The following RNF145 variants were observed in gnomAD, a reference collection of about 807,000 sequenced individuals.
RNF145 encodes ring finger protein 145.
In RNF145, 12 loss-of-function variants were observed where a neutral mutation model predicts 57.3. The ratio of observed to expected loss-of-function variants is 0.21; its 90% CI spans 0.13 to 0.34. The LOEUF (loss-of-function observed/expected upper bound fraction) is 0.34, where lower values mean the gene tolerates loss of function less well. Among genes scored for constraint, RNF145 ranks in the 10% least tolerant of loss-of-function variants. The probability of loss-of-function intolerance (pLI) is 1.00; values close to 1 mark genes in which losing one functional copy is unlikely to be tolerated. For missense variants in RNF145, 429 were observed against 799.0 expected, an observed-to-expected ratio of 0.54 and a Z score of 5.58; for synonymous variants, 262 against 288.3, an observed-to-expected ratio of 0.91 and a Z score of 0.92.
chr5:159,207,396 C>T, intron 1 of RNF145: 5 of 889,444 alleles, frequency 5.6e-6, no homozygotes, highest in South Asian at 1.6e-5. Flanking sequence ...AAGAATGACA[C>T]GTGACCCAAC....
chr5:159,203,398 C>T, intron 2 of RNF145, 36 bp downstream of exon 2: 1 of 1,395,056 alleles, frequency 7.2e-7, no homozygotes, highest in Non-Finnish European at 1.0e-6. Context: ...TCAGAATGCT[C>T]ACTAGAAGAT....
Position 159,161,443 on chromosome 5 carries a change from T to G in RNF145, c.1449A>C (p.Thr483=). 1 of 1,614,220 alleles carries G rather than the reference T, an allele frequency of 6.2e-7. No individual in the cohort carries two copies. The highest frequency in any genetic ancestry group is 1.7e-4 in the Middle Eastern group (1 of 6,060). The change falls in exon 10 of 11, where the codon ACA becomes ACC. Residue 483 remains threonine (T), a synonymous_variant. Transcript: ENST00000424310. ...TGAAGATGATCATTGAGCCCATCACTGTCCATTCTCCAAAGATGGTCTCTG... is the reference window on the plus strand; with the variant it reads ...TGAAGATGATCATTGAGCCCATCACGGTCCATTCTCCAAAGATGGTCTCTG... The part of the protein sequence containing the change: ...GVSETIFGEW[T]VMGSMIIFIH...
chr5:159,194,837 G>A lies in RNF145; in HGVS notation c.185-13C>T. Reference sequence around the variant, plus strand: ...CTTAAGATATAACCTGTACCAGAAAGATAAATAAAATACAATTTTAATTTA... The same window carrying A: ...CTTAAGATATAACCTGTACCAGAAAAATAAATAAAATACAATTTTAATTTA... On this transcript the variant is annotated splice_polypyrimidine_tract_variant and intron_variant, in intron 2 of 10. Transcript: ENST00000424310. The A allele has an allele frequency of 6.6e-7, 1 of 1,510,562 alleles. No homozygotes were observed. The highest frequency in any genetic ancestry group is 1.4e-5 in the African/African-American group (1 of 71,624). The allele number at this position is 1,510,562 out of a possible 1,614,324, so 93.6% of individuals were successfully genotyped here.
At chr5:159,173,246 T>C (rs1215594339) in intron 6 of RNF145, among the ~76,000 whole-genome samples, 1 of 151,586 alleles carries the variant, frequency 6.6e-6, no homozygotes, top group Non-Finnish European at 1.5e-5. Context: ...TTTTTGCAAG[T>C]TTTTTTTTAA....
rs189974080 is a variant in RNF145 at position 159,197,533 on chromosome 5, A to G, written c.185-2709T>C. On this transcript the variant is annotated intron_variant, in intron 2 of 10. Transcript: ENST00000424310. Reference sequence around the variant, plus strand: ...GGAAAAGTAACTCTGTGATAACAAAATATTTGTGTAAGAAAACTTTGAGAG... The same window carrying G: ...GGAAAAGTAACTCTGTGATAACAAAGTATTTGTGTAAGAAAACTTTGAGAG... Among the ~76,000 whole-genome samples the G allele has an allele frequency of 3.3e-5, 5 of 152,366 alleles. No individual in the cohort carries two copies. In the East Asian group the frequency reaches 9.6e-4, roughly 29 times the overall value.
chr5:159,189,250 C>CA (rs539226089), intron 3 of RNF145, among the ~76,000 whole-genome samples: 221 of 152,046 alleles, frequency 1.5e-3, no homozygotes, highest in African/African-American at 4.9e-3. Context: ...AGAACTCCTA[C>CA]AACTTAGCAA....
At chr5:159,195,681 A>G (rs1785435225) in intron 2 of RNF145, among the ~76,000 whole-genome samples, 1 of 152,202 alleles carries the variant, frequency 6.6e-6, no homozygotes, top group African/African-American at 2.4e-5. Context: ...AAACACTGGA[A>G]ATTTGGTTCC....
At chr5:159,200,414 T>A (rs966329698) in intron 2 of RNF145, among the ~76,000 whole-genome samples, 7 of 152,020 alleles carry the variant, frequency 4.6e-5, no homozygotes, top group African/African-American at 1.7e-4. Context: ...TGAAACAAAA[T>A]ATATGTGAGA....
intron 9 of RNF145, among the ~76,000 whole-genome samples, chr5:159,161,948 C>T (rs965094422): frequency 2.0e-5 from 3 of 152,078 alleles, no homozygotes; most frequent in Non-Finnish European, 4.4e-5. Context: ...GTCACCAAAC[C>T]TCATCAACTC....
chr5:159,178,516 G>A (rs1350741172), intron 4 of RNF145, among the ~76,000 whole-genome samples: 2 of 151,962 alleles, frequency 1.3e-5, no homozygotes, highest in Non-Finnish European at 2.9e-5. Context: ...TTATTTTCCA[G>A]ATTAATTTAG....
At chr5:159,166,733 A>G (rs1784404167) in intron 8 of RNF145, among the ~76,000 whole-genome samples, 1 of 152,192 alleles carries the variant, frequency 6.6e-6, no homozygotes, top group Non-Finnish European at 1.5e-5. Context: ...CATGAGTGAA[A>G]TACTTTAAAA....
Position 159,163,006 on chromosome 5 carries a change from T to C in RNF145, c.1195A>G (p.Met399Val), listed in dbSNP as rs750092092. 8 of 1,612,638 alleles carry C rather than the reference T, an allele frequency of 5.0e-6. No homozygotes were observed. The highest frequency in any genetic ancestry group is 6.8e-6 in the Non-Finnish European group (8 of 1,179,598). The change falls in exon 9 of 11, where the codon ATG becomes GTG. Residue 399 changes from methionine to valine, a missense_variant. By Grantham distance (21) the Met-to-Val change is conservative (BLOSUM62 1). Around this residue, in one of 4 missense-constraint regions of RNF145, gnomAD observed 216 missense variants for 457.6 expected, o/e 0.47. Transcript: ENST00000424310. ...TCCATGTGGAAAAACTGGCAAATCA[T>C]ATAAGCCATATAAGCAGGGAATACC... ...LLVFPAYMAY[M>V]ICQFFHMDFW...
intron 6 of RNF145, among the ~76,000 whole-genome samples, chr5:159,171,512 T>C (rs1216214108): frequency 1.3e-5 from 2 of 152,312 alleles, no homozygotes; most frequent in East Asian, 1.9e-4. Context: ...GCATACTAAA[T>C]ACCAAAGATT....
At chr5:159,209,052 G>A (rs1225330198) in intron 1 of RNF145, among the ~76,000 whole-genome samples, 179 bp downstream of exon 1, 1 of 151,980 alleles carries the variant, frequency 6.6e-6, no homozygotes, top group East Asian at 1.9e-4. Context: ...TGCGGCTGAA[G>A]AGGGGATGTG....
chr5:159,170,775 C>G (rs868181305), intron 6 of RNF145, among the ~76,000 whole-genome samples: 1 of 152,174 alleles, frequency 6.6e-6, no homozygotes, highest in African/African-American at 2.4e-5. Flanking sequence ...ATTCTTTATA[C>G]AGACAAGGTC....
intron 1 of RNF145, among the ~76,000 whole-genome samples, chr5:159,208,831 A>T (rs1481434987): frequency 6.7e-6 from 1 of 149,636 alleles, no homozygotes; most frequent in Non-Finnish European, 1.5e-5. Context: ...GATGCTGGGG[A>T]GGCAAAGGGG....
intron 3 of RNF145, 79 bp from the exon 4 acceptor site, chr5:159,182,130 A>G: frequency 1.5e-5 from 12 of 802,862 alleles, no homozygotes; most frequent in Non-Finnish European, 1.9e-5. Context: ...AAAGCATATT[A>G]TGTTAATGAT....
At chr5:159,194,600 G>C (rs905403926) in intron 3 of RNF145, 116 bp downstream of exon 3, 11 of 691,282 alleles carry the variant, frequency 1.6e-5, no homozygotes, top group Non-Finnish European at 2.6e-6. Flanking sequence ...TATCAAACCA[G>C]TTTTGGACCT....
At chr5:159,175,585 A>G (rs1026307803) in intron 5 of RNF145, among the ~76,000 whole-genome samples, 1 of 152,196 alleles carries the variant, frequency 6.6e-6, no homozygotes, top group African/African-American at 2.4e-5. Flanking sequence ...TACCCTGAAT[A>G]CAACTATAAC....
Sources: allele counts gnomAD v4.1 joint callset (sites outside exome capture counted in the v4.1 genomes callset), GRCh38; gene constraint gnomAD v4.1.1; regional missense constraint gnomAD v4.1.1; transcripts MANE v1.5; gene names NCBI Gene and HGNC (gene_info 2026-07-23, HGNC 2026-07-21).